Variants in VCF2 observed in about 807,000 individuals in gnomAD.
VCF2 encodes VCP nuclear cofactor family member 2.
chrX:55,151,750 T>G, the VCF2 span, among the ~76,000 whole-genome samples: 2 of 111,882 alleles, frequency 1.8e-5, no homozygotes, highest in African/African-American at 6.5e-5. Flanking sequence ...TTTTTCTTAT[T>G]TTCTAGTTTA....
At chrX:55,161,075 G>A in the VCF2 span, 126 of 1,200,360 alleles carry the variant, frequency 1.0e-4, no homozygotes, top group Non-Finnish European at 1.4e-4. Flanking sequence ...AAAGCAAAGC[G>A]TGATGACCGT....
chrX:55,157,717 T>C, the VCF2 span, among the ~76,000 whole-genome samples: 1 of 112,015 alleles, frequency 8.9e-6, no homozygotes, highest in South Asian at 3.7e-4. Flanking sequence ...CTTGGAATTG[T>C]AGCATTAGGG....
chrX:55,144,414 CTGGCCATAGAAAAAA>C, the VCF2 span, among the ~76,000 whole-genome samples: 5 of 111,703 alleles, frequency 4.5e-5, no homozygotes, highest in African/African-American at 1.6e-4. Flanking sequence ...TTTGGAAGCA[CTGGCCATAGAAAAAA>C]TGTTCTTACT....
At chrX:55,160,843 C>G in the VCF2 span, 12 of 1,156,244 alleles carry the variant, frequency 1.0e-5, no homozygotes, top group Non-Finnish European at 1.0e-5. Flanking sequence ...ACCCCCGCCT[C>G]CAGGGCTTGT....
chrX:55,154,479 C>T, the VCF2 span, among the ~76,000 whole-genome samples: 1 of 112,154 alleles, frequency 8.9e-6, no homozygotes, highest in Non-Finnish European at 1.9e-5. Flanking sequence ...AGAGCCCTTG[C>T]AAATTCACAC....
At chrX:55,158,223 T>C in the VCF2 span, among the ~76,000 whole-genome samples, 4 of 112,173 alleles carry the variant, frequency 3.6e-5, no homozygotes, top group Non-Finnish European at 7.5e-5. Flanking sequence ...CCATACTTAG[T>C]TATTAACTAA....
chrX:55,149,064 A>G, the VCF2 span, among the ~76,000 whole-genome samples: 356 of 111,788 alleles, frequency 3.2e-3, 1 homozygote, highest in African/African-American at 0.011. Context: ...TTTATTACCC[A>G]GGAAACACTC....
the VCF2 span, chrX:55,143,282 A>G: frequency 8.9e-6 from 1 of 112,090 alleles, no homozygotes; most frequent in East Asian, 2.8e-4. Flanking sequence ...GACAATTAAC[A>G]TGTCTCAGAT....
the VCF2 span, chrX:55,145,976 TAAC>T: frequency 2.7e-6 from 3 of 1,106,386 alleles, no homozygotes. Flanking sequence ...AACTGCCCAT[TAAC>T]TTGTTACTTA....
At chrX:55,159,387 AC>A in the VCF2 span, among the ~76,000 whole-genome samples, 1 of 112,293 alleles carries the variant, frequency 8.9e-6, no homozygotes, top group Non-Finnish European at 1.9e-5. Flanking sequence ...GTACTCCATT[AC>A]CAGGCATGAA....
At chrX:55,158,403 A>AG in the VCF2 span, among the ~76,000 whole-genome samples, 2 of 112,064 alleles carry the variant, frequency 1.8e-5, no homozygotes, top group African/African-American at 6.5e-5. Flanking sequence ...GAAGAGAGGA[A>AG]GGGGGGATGA....
the VCF2 span, among the ~76,000 whole-genome samples, chrX:55,148,580 GTTAT>G: frequency 4.4e-4 from 49 of 110,661 alleles, no homozygotes; most frequent in African/African-American, 1.6e-3. Flanking sequence ...AAAATAACTG[GTTAT>G]TTAAGAAAGA....
At chrX:55,153,984 T>C in the VCF2 span, among the ~76,000 whole-genome samples, 1 of 112,366 alleles carries the variant, frequency 8.9e-6, no homozygotes, top group Non-Finnish European at 1.9e-5. Flanking sequence ...ACACTTACCT[T>C]GTGAATCTGT....
chrX:55,150,417 C>A, the VCF2 span, among the ~76,000 whole-genome samples: 1 of 111,146 alleles, frequency 9.0e-6, no homozygotes. Flanking sequence ...ACAGAGTTTG[C>A]GCTCCTATGA....
the VCF2 span, chrX:55,161,090 A>C: frequency 4.2e-6 from 5 of 1,204,223 alleles, no homozygotes; most frequent in African/African-American, 5.3e-5. Context: ...GACCGTGGGG[A>C]CCAGAGCTCG....
the VCF2 span, among the ~76,000 whole-genome samples, chrX:55,147,946 GA>G: frequency 2.7e-5 from 3 of 110,734 alleles, no homozygotes; most frequent in Admixed American, 2.9e-4. Flanking sequence ...TTTATTAGCT[GA>G]AAATCAGAAA....
the VCF2 span, among the ~76,000 whole-genome samples, chrX:55,147,836 GA>G: frequency 2.7e-5 from 3 of 109,454 alleles, no homozygotes; most frequent in African/African-American, 9.9e-5. Context: ...TAATTATTAA[GA>G]AAAAAATCTA....
At chrX:55,149,462 A>C in the VCF2 span, among the ~76,000 whole-genome samples, 3 of 111,576 alleles carry the variant, frequency 2.7e-5, no homozygotes, top group African/African-American at 9.8e-5. Context: ...ACCCAGTAGA[A>C]GATACCAATC....
At chrX:55,146,100 C>T in the VCF2 span, 13 of 1,209,887 alleles carry the variant, frequency 1.1e-5, no homozygotes, top group Non-Finnish European at 1.2e-5. Flanking sequence ...TGGAGCTTGC[C>T]CTCGCTGCTG....
Sources: allele counts gnomAD v4.1 joint callset (sites outside exome capture counted in the v4.1 genomes callset), GRCh38; gene constraint gnomAD v4.1.1; transcripts MANE v1.5; gene names NCBI Gene and HGNC (gene_info 2026-07-23, HGNC 2026-07-21).